CAMTA1: variants seen among roughly 807,000 people sequenced by gnomAD.
CAMTA1 encodes the protein calmodulin binding transcription activator 1, also known as calmodulin-binding transcription activator 1.
CAMTA1 carries 27 observed loss-of-function variants against 170.9 expected under a neutral mutation model. That is an observed-to-expected ratio of 0.16 (90% CI 0.12 to 0.22). The LOEUF (loss-of-function observed/expected upper bound fraction) is 0.22, where lower values mean the gene tolerates loss of function less well. Among genes scored for constraint, CAMTA1 ranks in the 10% least tolerant of loss-of-function variants. CAMTA1 has a pLI of 1.00. For synonymous variants in CAMTA1, 833 were observed against 891.5 expected, an observed-to-expected ratio of 0.93 and a Z score of 1.17; for missense variants, 1,619 against 2,217.2, an observed-to-expected ratio of 0.73 and a Z score of 5.42.
chr1:7,155,979 G>A (rs1003194416), intron 4 of CAMTA1, among the ~76,000 whole-genome samples: 13 of 152,092 alleles, frequency 8.5e-5, no homozygotes, highest in African/African-American at 3.1e-4. Flanking sequence ...TAGAGCAGGC[G>A]CGGTGGCTCA....
At chr1:7,471,829 CT>C (rs1383702132) in intron 6 of CAMTA1, among the ~76,000 whole-genome samples, 1 of 152,232 alleles carries the variant, frequency 6.6e-6, no homozygotes, top group Non-Finnish European at 1.5e-5. Context: ...TCAGGGCCCC[CT>C]GACCTCCTCA....
At chr1:6,953,849 A>G (rs576414365) in intron 3 of CAMTA1, among the ~76,000 whole-genome samples, 1 of 152,066 alleles carries the variant, frequency 6.6e-6, no homozygotes, top group African/African-American at 2.4e-5. Flanking sequence ...ACAGCCGGTG[A>G]TGGGGTGGAA....
intron 6 of CAMTA1, among the ~76,000 whole-genome samples, chr1:7,597,582 A>G (rs1557978210): frequency 1.3e-5 from 2 of 152,062 alleles, no homozygotes; most frequent in Non-Finnish European, 2.9e-5. Flanking sequence ...ATATATGGAG[A>G]GAGAGAGAGA....
intron 6 of CAMTA1, among the ~76,000 whole-genome samples, chr1:7,583,242 A>G (rs1324953206): frequency 1.3e-5 from 2 of 151,886 alleles, no homozygotes; most frequent in Admixed American, 1.3e-4. Flanking sequence ...GGAAGGAGGG[A>G]GGAGCCAAGC....
At chr1:7,025,617 C>T (rs918403091) in intron 3 of CAMTA1, among the ~76,000 whole-genome samples, 1 of 152,136 alleles carries the variant, frequency 6.6e-6, no homozygotes, top group Non-Finnish European at 1.5e-5. Flanking sequence ...GACATTCCCT[C>T]TCCCATTAAG....
rs1383305243 is a variant in CAMTA1 at position 7,697,741 on chromosome 1, G to C, written c.2914+20008G>C. On this transcript the variant is annotated intron_variant, in intron 11 of 22. Coordinates refer to ENST00000303635, the MANE Select transcript of CAMTA1 (RefSeq NM_015215.4). ...CATTAGGAGAAACCTGCCAGTTTTT[G>C]GGCTGATGGCTAATGCATCTCTTCC... 2.0e-5 allele frequency among the ~76,000 whole-genome samples: 3 copies of C among 152,126 alleles called. 1 individual carries two copies. The highest frequency in any genetic ancestry group is 4.4e-5 in the Non-Finnish European group (3 of 68,028).
chr1:7,384,449 G>A (rs1482832684), intron 5 of CAMTA1, among the ~76,000 whole-genome samples: 1 of 152,198 alleles, frequency 6.6e-6, no homozygotes, highest in Non-Finnish European at 1.5e-5. Context: ...CCTATACTGT[G>A]TGTGATGATT....
intron 11 of CAMTA1, among the ~76,000 whole-genome samples, chr1:7,724,490 G>A (rs2096670130): frequency 6.6e-6 from 1 of 152,128 alleles, no homozygotes; most frequent in Non-Finnish European, 1.5e-5. Flanking sequence ...CTGGGCAGAA[G>A]GCCCCAGTCT....
intron 5 of CAMTA1, among the ~76,000 whole-genome samples, chr1:7,276,302 T>TATATA (rs1249165240): frequency 7.3e-5 from 1 of 13,678 alleles, no homozygotes; most frequent in African/African-American, 2.5e-4. Context: ...TATATATATA[T>TATATA]ATTTTTTTTT....
intron 6 of CAMTA1, among the ~76,000 whole-genome samples, chr1:7,497,025 CT>C (rs35941370): frequency 0.56 from 84,952 of 151,878 alleles, 24,074 homozygotes; most frequent in East Asian, 0.71. Context: ...GGACCTAGGG[CT>C]CGAGAAAAAT....
chr1:7,478,419 G>A (rs1205859551), intron 6 of CAMTA1, among the ~76,000 whole-genome samples: 5 of 152,136 alleles, frequency 3.3e-5, no homozygotes, highest in Non-Finnish European at 7.4e-5. Context: ...ACCATCCCCT[G>A]TGACTGCCAC....
intron 5 of CAMTA1, among the ~76,000 whole-genome samples, chr1:7,334,165 G>A (rs983831856): frequency 5.9e-5 from 9 of 152,198 alleles, no homozygotes; most frequent in Admixed American, 3.3e-4. Context: ...ACTGGTCTAC[G>A]TGGAAAGTAA....
intron 3 of CAMTA1, among the ~76,000 whole-genome samples, chr1:6,916,201 G>A (rs969933567): frequency 6.6e-6 from 1 of 152,040 alleles, no homozygotes; most frequent in Non-Finnish European, 1.5e-5. Context: ...AGAGACCTCC[G>A]GGTCTCACCC....
Position 7,335,182 on chromosome 1 carries a change from G to A in CAMTA1, c.438+85556G>A, listed in dbSNP as rs566144790. 2.4e-4 allele frequency among the ~76,000 whole-genome samples: 31 copies of A among 129,082 alleles called. 1 individual carries two copies. Among genetic ancestry groups the A allele is most frequent in the African/African-American group, 7.9e-4 (28 of 35,284 alleles). The allele number at this position is 129,082 out of a possible 152,430, so 84.7% of individuals were successfully genotyped here. A position where few individuals can be genotyped will look rare whatever the true frequency, so the allele number is the denominator to read the frequency against. ...GTGGGGGTGGGGGGTGTCAGACCCC[G>A]AGGCTACCCTTCTGGGGTTTTGTTT... On this transcript the variant is annotated intron_variant, in intron 5 of 22. Coordinates refer to ENST00000303635, the MANE Select transcript of CAMTA1 (RefSeq NM_015215.4).
At chr1:7,548,427 C>T (rs1229067364) in intron 6 of CAMTA1, among the ~76,000 whole-genome samples, 2 of 151,482 alleles carry the variant, frequency 1.3e-5, no homozygotes, top group Admixed American at 6.6e-5. Flanking sequence ...TGCAGGGTGC[C>T]CCTTAGGAGT....
chr1:7,132,420 G>T (rs1215459637), intron 4 of CAMTA1, among the ~76,000 whole-genome samples: 2 of 152,136 alleles, frequency 1.3e-5, no homozygotes, highest in African/African-American at 4.8e-5. Flanking sequence ...GACTACAGGT[G>T]TGTATCACCA....
intron 17 of CAMTA1, 76 bp from the exon 18 acceptor site, chr1:7,745,769 G>T (rs2150106035): frequency 1.3e-6 from 2 of 1,569,274 alleles, no homozygotes; most frequent in East Asian, 2.2e-5. Flanking sequence ...ATACCATCTT[G>T]GCTCATTCAT....
At position 7,596,828 on chromosome 1, in the gene CAMTA1, C is replaced by T. The variant is rs116117029; in HGVS notation, c.511-43572C>T. 5.0e-3 allele frequency among the ~76,000 whole-genome samples: 765 copies of T among 152,190 alleles called. 5 individuals are homozygous for T. Among genetic ancestry groups the T allele is most frequent in the African/African-American group, 0.018 (736 of 41,488 alleles). The stretch of plus-strand genomic sequence containing the variant: ...TGCACAATCACTCAACTTGACATGG[C>T]TTTGTAGATTTCATCCCCCCACCCC... On this transcript the variant is annotated intron_variant, in intron 6 of 22. Coordinates refer to ENST00000303635, the MANE Select transcript of CAMTA1 (RefSeq NM_015215.4).
chr1:7,338,954 CA>C (rs1423672420), intron 5 of CAMTA1, among the ~76,000 whole-genome samples: 2 of 152,112 alleles, frequency 1.3e-5, no homozygotes, highest in African/African-American at 4.8e-5. Context: ...GAAGAGGAAG[CA>C]GGTATGTCTT....
Sources: allele counts gnomAD v4.1 joint callset (sites outside exome capture counted in the v4.1 genomes callset), GRCh38; gene constraint gnomAD v4.1.1; transcripts MANE v1.5; gene names NCBI Gene and HGNC (gene_info 2026-07-23, HGNC 2026-07-21).